The following FHOD3 variants were observed in gnomAD, a reference collection of about 807,000 sequenced individuals.
FHOD3 encodes formin homology 2 domain containing 3.
Under a neutral mutation model 173.0 loss-of-function variants are expected in FHOD3, and 90 were observed. The ratio of observed to expected loss-of-function variants is 0.52; its 90% CI spans 0.44 to 0.62. FHOD3 has a LOEUF of 0.62. Ranked by LOEUF, FHOD3 falls within the 20% of genes least tolerant of loss-of-function variation. The pLI, the probability that FHOD3 is intolerant of heterozygous loss-of-function variation, is 0.00. For synonymous variants in FHOD3, 828 were observed against 823.0 expected (o/e 1.01, Z -0.10); for missense variants, 1,945 against 2,034.7 (o/e 0.96, Z 0.85).
chr18:36,436,639 A>G (rs2050824263), intron 3 of FHOD3, among the ~76,000 whole-genome samples: 1 of 152,224 alleles, frequency 6.6e-6, no homozygotes, highest in Non-Finnish European at 1.5e-5. Context: ...TATGAATTTA[A>G]TCAAGCATTT....
chr18:36,577,328 G>A (rs932209977), intron 6 of FHOD3, among the ~76,000 whole-genome samples: 1 of 151,956 alleles, frequency 6.6e-6, no homozygotes, highest in Non-Finnish European at 1.5e-5. Flanking sequence ...TTGAGACAGA[G>A]TCTTATACTC....
intron 19 of FHOD3, 80 bp from the exon 20 acceptor site, chr18:36,730,566 A>G: frequency 1.4e-6 from 2 of 1,390,406 alleles, no homozygotes; most frequent in South Asian, 1.3e-5. Context: ...CTAAATAAGT[A>G]GTGAGTGCTT....
At chr18:36,319,559 T>C (rs1293121026) in intron 1 of FHOD3, among the ~76,000 whole-genome samples, 1 of 152,200 alleles carries the variant, frequency 6.6e-6, no homozygotes, top group African/African-American at 2.4e-5. Flanking sequence ...CACTCCACTG[T>C]CAATATTAGA....
At chr18:36,481,696 A>G (rs1327267344) in intron 3 of FHOD3, among the ~76,000 whole-genome samples, 1 of 152,182 alleles carries the variant, frequency 6.6e-6, no homozygotes, top group African/African-American at 2.4e-5. Context: ...TTTTATTACC[A>G]TGGGAATTAA....
chr18:36,651,064 G>A (rs1372681194), intron 11 of FHOD3, among the ~76,000 whole-genome samples: 1 of 152,172 alleles, frequency 6.6e-6, no homozygotes, highest in African/African-American at 2.4e-5. Context: ...TTCTGAGACC[G>A]TAAAGGATTT....
At position 36,480,209 on chromosome 18, in the gene FHOD3, C is replaced by A. The variant is rs140214016; in HGVS notation, c.338-21723C>A. On this transcript the variant is annotated intron_variant, in intron 3 of 28. Transcript: ENST00000590592. ...TCCACATACCTTTTCCTCCTCAGTGCTGCTCCAGGGGCCCCTACTGTGCCC... is the reference window on the plus strand; with the variant it reads ...TCCACATACCTTTTCCTCCTCAGTGATGCTCCAGGGGCCCCTACTGTGCCC... Among the ~76,000 whole-genome samples, 3 of 152,222 alleles carry A rather than the reference C, an allele frequency of 2.0e-5. No homozygotes were observed. The East Asian group carries it at 5.8e-4, about 29-fold the overall frequency.
chr18:36,321,980 G>A (rs2044419012), intron 1 of FHOD3, among the ~76,000 whole-genome samples: 3 of 152,158 alleles, frequency 2.0e-5, no homozygotes, highest in Admixed American at 2.0e-4. Context: ...GCCAGAGGCA[G>A]GGCCACCTGG....
intron 1 of FHOD3, among the ~76,000 whole-genome samples, chr18:36,354,039 A>T (rs2046250009): frequency 6.6e-6 from 1 of 152,190 alleles, no homozygotes; most frequent in Non-Finnish European, 1.5e-5. Context: ...TTTCACCCAC[A>T]TTCTGCTGAT....
At chr18:36,532,842 G>A (rs575141697) in intron 5 of FHOD3, among the ~76,000 whole-genome samples, 4 of 152,292 alleles carry the variant, frequency 2.6e-5, no homozygotes, top group South Asian at 4.2e-4. Flanking sequence ...CCATTAAAAC[G>A]TTTAAAGGCA....
At chr18:36,393,832 A>G (rs2048421581) in intron 3 of FHOD3, among the ~76,000 whole-genome samples, 1 of 152,238 alleles carries the variant, frequency 6.6e-6, no homozygotes, top group South Asian at 2.1e-4. Context: ...CCCAAACTTC[A>G]GAAAACTCTG....
intron 7 of FHOD3, among the ~76,000 whole-genome samples, chr18:36,601,454 C>T (rs1008712604): frequency 2.6e-5 from 4 of 152,150 alleles, no homozygotes; most frequent in Admixed American, 6.5e-5. Context: ...CAGCTTAACC[C>T]ACTTCCTGCC....
rs143263873 is a variant in FHOD3, at chr18:36,496,149, A to G, written c.338-5783A>G. Among the ~76,000 whole-genome samples, 534 of 152,298 alleles carry G rather than the reference A, an allele frequency of 3.5e-3. 3 individuals are homozygous for G. The highest frequency in any genetic ancestry group is 0.012 in the African/African-American group (499 of 41,578). ...CCTGGTTTCTTGAACTTGGAATGTT[A>G]CCCAGCAGATAAAGCTCCAGAGGAC... On this transcript the variant is annotated intron_variant, in intron 3 of 28. Transcript: ENST00000590592.
At chr18:36,389,950 C>G (rs986315136) in intron 3 of FHOD3, among the ~76,000 whole-genome samples, 1 of 152,088 alleles carries the variant, frequency 6.6e-6, no homozygotes, top group Non-Finnish European at 1.5e-5. Flanking sequence ...TGCCTGGAGC[C>G]CTTCAGGCTG....
chr18:36,611,228 T>C (rs2032640888), intron 8 of FHOD3, among the ~76,000 whole-genome samples: 1 of 152,260 alleles, frequency 6.6e-6, no homozygotes, highest in Non-Finnish European at 1.5e-5. Context: ...CAGGAGTTTC[T>C]AATTACAAAG....
chr18:36,449,049 T>C (rs2051668904), intron 3 of FHOD3, among the ~76,000 whole-genome samples: 1 of 152,120 alleles, frequency 6.6e-6, no homozygotes, highest in South Asian at 2.1e-4. Flanking sequence ...TGCTTCACAA[T>C]GGTATTTGCA....
At position 36,470,593 on chromosome 18, in the gene FHOD3, G is replaced by A. The variant is rs116488281; in HGVS notation, c.338-31339G>A. Among the ~76,000 whole-genome samples the A allele has an allele frequency of 4.7e-3, 719 of 152,266 alleles. 4 individuals carry two copies. The highest frequency in any genetic ancestry group is 0.016 in the African/African-American group (665 of 41,548). On this transcript the variant is annotated intron_variant, in intron 3 of 28. Transcript: ENST00000590592. ...TATACAATATGTGTGTAATTGTATC[G>A]TTCTAATAGAGTTTTAGCTGGTATG...
intron 9 of FHOD3, among the ~76,000 whole-genome samples, chr18:36,613,432 A>G (rs777960269): frequency 6.6e-6 from 1 of 152,182 alleles, no homozygotes; most frequent in Non-Finnish European, 1.5e-5. Flanking sequence ...TGTTGAAATG[A>G]CACTCTTTCT....
intron 2 of FHOD3, among the ~76,000 whole-genome samples, chr18:36,366,928 C>G (rs141023075): frequency 0.016 from 2,423 of 152,302 alleles, 25 homozygotes; most frequent in Non-Finnish European, 0.027. Context: ...TGGAGGAGTA[C>G]TTGGGAGCAT....
chr18:36,332,761 G>A (rs541349500), intron 1 of FHOD3, among the ~76,000 whole-genome samples: 14 of 152,314 alleles, frequency 9.2e-5, no homozygotes, highest in Non-Finnish European at 1.5e-4. Context: ...TGCCTATAGC[G>A]GTAAGGCGGT....
Sources: gnomAD v4.1 joint callset for allele counts (sites outside exome capture counted in the v4.1 genomes callset) on GRCh38, gnomAD v4.1.1 for gene constraint, MANE v1.5 for transcripts, NCBI Gene and HGNC (gene_info 2026-07-23, HGNC 2026-07-21) for gene names.